Variants in KCNA4 observed in about 807,000 individuals in gnomAD.
The protein encoded by KCNA4 is cardiac potassium channel.
A neutral mutation model predicts 37.2 loss-of-function variants in KCNA4; 5 were observed. The ratio of observed to expected loss-of-function variants is 0.13; its 90% CI spans 0.07 to 0.28. The LOEUF (loss-of-function observed/expected upper bound fraction) is 0.28, where lower values mean the gene tolerates loss of function less well. KCNA4 is among the 10% of genes least tolerant of loss of function. The pLI is 1.00. For synonymous variants in KCNA4, 350 were observed against 311.8 expected, an observed-to-expected ratio of 1.12 and a Z score of -1.29; for missense variants, 634 against 817.4, an observed-to-expected ratio of 0.78 and a Z score of 2.74.
chr11:30,012,801 T>C lies in KCNA4; in HGVS notation c.-123A>G. ...CCCTTAAGCAGATTGCTTGGAAGAC[T>C]AAGGATATTTTCAGTCCAACTTTGC... On this transcript the variant is annotated 5_prime_UTR_variant, in exon 2 of 2. Coordinates refer to ENST00000328224, the MANE Select transcript of KCNA4 (RefSeq NM_002233.4). The C allele has an allele frequency of 7.2e-7, 1 of 1,391,624 alleles. No individual in the cohort carries two copies. The highest frequency in any genetic ancestry group is 2.4e-5 in the East Asian group (1 of 41,062). 86.2% of individuals were successfully genotyped at this position (1,391,624 alleles called of 1,614,324 possible).
At position 30,009,803 on chromosome 11, in the gene KCNA4, A is replaced by C. The variant is rs183772907; in HGVS notation, c.*914T>G. 355 of 152,296 alleles carry C rather than the reference A, an allele frequency of 2.3e-3. 2 individuals are homozygous for C. The highest frequency in any genetic ancestry group is 8.0e-3 in the African/African-American group (331 of 41,574). The allele number at this position is 152,296 out of a possible 1,614,324, so 9.4% of individuals were successfully genotyped here. A position where few individuals can be genotyped will look rare whatever the true frequency, so the allele number is the denominator to read the frequency against. On this transcript the variant is annotated 3_prime_UTR_variant, in exon 2 of 2. Transcript: ENST00000328224. ...TCAGTTATTTAGATTTTAAAAGAGG[A>C]GAGAATCCTGTGATGTTATCTGCAT...
chr11:30,011,644 G>C lies in KCNA4; in HGVS notation c.1035C>G (p.Gly345=). ...TATCATTCAACAACCCACCATGCCC[G>C]CCAGCACTCAGTGCCATGACGAGAT... is the stretch of plus-strand genomic sequence containing the variant. The part of the protein sequence containing the change: ...DRDLVMALSA[G]GHGGLLNDTS... Residue 345 remains glycine, a synonymous_variant, in exon 2 of 2, where the codon GGC becomes GGG. Transcript: ENST00000328224. The surrounding 1 kb of genome is among the most constrained non-coding windows in gnomAD (Gnocchi z 5.6). 6.2e-7 allele frequency: 1 copy of C among 1,613,758 alleles called. No homozygotes were observed. Among genetic ancestry groups the C allele is most frequent in the African/African-American group, 1.3e-5 (1 of 74,856 alleles).
Position 30,010,804 on chromosome 11 carries a change from C to G in KCNA4, c.1875G>C (p.Lys625Asn), listed in dbSNP as rs200767735. The change falls in exon 2 of 2, where the codon AAG (lysine) becomes AAC (asparagine). Residue 625 changes from lysine to asparagine, a missense_variant. This residue lies in a region of KCNA4 where 91 missense variants were observed against 95.8 expected (regional missense o/e 0.95). Coordinates refer to ENST00000328224, the MANE Select transcript of KCNA4 (RefSeq NM_002233.4). ...EEGVKESLCA[K>N]EEKCQGKGDD... ...CCCCCTTTCCCTGACACTTCTCCTC[C>G]TTTGCACACAGAGATTCCTTAACTC... The G allele has an allele frequency of 9.9e-6, 16 of 1,614,180 alleles. No homozygotes were observed. Among genetic ancestry groups the G allele is most frequent in the Non-Finnish European group, 1.4e-5 (16 of 1,180,026 alleles).
In KCNA4 at chr11:30,011,887, C is replaced by A; in HGVS notation, c.792G>T (p.Glu264Asp). 6.2e-7 allele frequency: 1 copy of A among 1,614,080 alleles called. No individual in the cohort carries two copies. The highest frequency in any genetic ancestry group is 8.5e-7 in the Non-Finnish European group (1 of 1,180,008). The change falls in exon 2 of 2, where the codon GAG becomes GAT. Residue 264 changes from glutamate (E) to aspartate (D), a missense_variant. Around this residue, in one of 8 missense-constraint regions of KCNA4, gnomAD observed 252 missense variants for 344.2 expected, o/e 0.73. Coordinates refer to ENST00000328224, the MANE Select transcript of KCNA4 (RefSeq NM_002233.4). This position sits in a 1 kb window ranked among gnomAD's most constrained non-coding sequence, Gnocchi z 5.6. ...EEVKFYQLGE[E>D]ALLKFREDEG... ...CGTCCTCCCGAAACTTCAACAGGGC[C>A]TCCTCCCCCAACTGATAGAACTTCA...
intron 1 of KCNA4, among the ~76,000 whole-genome samples, chr11:30,015,773 A>G (rs1208259492): frequency 6.6e-6 from 1 of 152,158 alleles, no homozygotes; most frequent in East Asian, 1.9e-4. Flanking sequence ...TATTCAAGCC[A>G]ATTCCCAGGA....
rs1472111782 is a variant in KCNA4, at chr11:30,012,799, A to C, written c.-121T>G. 6 of 1,402,814 alleles carry C rather than the reference A, an allele frequency of 4.3e-6. No individual in the cohort carries two copies. In the South Asian group the frequency reaches 9.8e-5, roughly 23 times the overall value. 86.9% of individuals were successfully genotyped at this position (1,402,814 alleles called of 1,614,324 possible). A position where few individuals can be genotyped will look rare whatever the true frequency, so the allele number is the denominator to read the frequency against. On this transcript the variant is annotated 5_prime_UTR_variant, in exon 2 of 2. Coordinates refer to ENST00000328224, the MANE Select transcript of KCNA4 (RefSeq NM_002233.4). ...AACCCTTAAGCAGATTGCTTGGAAG[A>C]CTAAGGATATTTTCAGTCCAACTTT...
In KCNA4 at chr11:30,016,892, G is replaced by A; in HGVS notation, c.-1103C>T. On this transcript the variant is annotated 5_prime_UTR_variant, in exon 1 of 2. Coordinates refer to ENST00000328224, the MANE Select transcript of KCNA4 (RefSeq NM_002233.4). ...GGGATTGCCTGGGAAAGGAAGTCAA[G>A]GTTCCCCCGAAAAGAAACAAAATCC... The A allele has an allele frequency of 2.5e-6, 1 of 398,724 alleles. No homozygotes were observed. The highest frequency in any genetic ancestry group is 4.4e-6 in the Non-Finnish European group (1 of 226,188). The allele number at this position is 398,724 out of a possible 1,614,324, so 24.7% of individuals were successfully genotyped here.
chr11:30,012,358 G>A lies in KCNA4; in HGVS notation c.321C>T (p.Asp107=). Residue 107 remains aspartate, a synonymous_variant, in exon 2 of 2, where the codon GAC becomes GAT. Coordinates refer to ENST00000328224, the MANE Select transcript of KCNA4 (RefSeq NM_002233.4). ...YRQSSFPHCS[D]LMPSGSEEKI... ...TCTCCTCAGAGCCACTGGGCATCAG[G>A]TCAGAGCAATGAGGGAAGCTGCTCT... is the stretch of plus-strand genomic sequence containing the variant. 6.2e-7 allele frequency: 1 copy of A among 1,614,046 alleles called. No homozygotes were observed. The highest frequency in any genetic ancestry group is 2.2e-5 in the East Asian group (1 of 44,868).
chr11:30,014,738 G>A (rs926019537), intron 1 of KCNA4, among the ~76,000 whole-genome samples: 1 of 152,042 alleles, frequency 6.6e-6, no homozygotes, highest in African/African-American at 2.4e-5. Flanking sequence ...GCCAGGCCCT[G>A]TAAAAGCCCC....
At position 30,010,926 on chromosome 11, in the gene KCNA4, T is replaced by C. The variant is rs1351245157; in HGVS notation, c.1753A>G (p.Ser585Gly). The C allele has an allele frequency of 4.3e-6, 7 of 1,614,236 alleles. 1 individual carries two copies. The Admixed American group carries it at 1.2e-4, about 27-fold the overall frequency. ...EQTQLTQNAV[S>G]CPYLPSNLLK... Reference sequence around the variant, plus strand: ...AAATTAGAGGGGAGGTATGGACAACTGACTGCATTCTGCGTTAGCTGTGTC... The same window carrying C: ...AAATTAGAGGGGAGGTATGGACAACCGACTGCATTCTGCGTTAGCTGTGTC... Residue 585 changes from serine to glycine, a missense_variant, in exon 2 of 2, where the codon AGT (serine) becomes GGT (glycine). Transcript: ENST00000328224.
chr11:30,010,894 C>A lies in KCNA4; in HGVS notation c.1785G>T (p.Lys595Asn), dbSNP rs1036448697. 23 of 1,614,092 alleles carry A rather than the reference C, an allele frequency of 1.4e-5. No homozygotes were observed. The highest frequency in any genetic ancestry group is 1.8e-5 in the Non-Finnish European group (21 of 1,180,042). The change falls in exon 2 of 2, where the codon AAG becomes AAT. Residue 595 changes from lysine to asparagine, a missense_variant. Coordinates refer to ENST00000328224, the MANE Select transcript of KCNA4 (RefSeq NM_002233.4). The part of the protein sequence containing the change: ...SCPYLPSNLL[K>N]KFRSSTSSSL... ...AAGAAGAAGTAGAGCTCCGAAATTT[C>A]TTGAGCAAATTAGAGGGGAGGTATG...
rs1344782488 is a variant in KCNA4, at chr11:30,012,085, T to C, written c.594A>G (p.Pro198=). 1.2e-6 allele frequency: 2 copies of C among 1,614,154 alleles called. No homozygotes were observed. The highest frequency in any genetic ancestry group is 1.7e-6 in the Non-Finnish European group (2 of 1,180,014). ...ETQMKTLAQF[P]ETLLGDPEKR... The stretch of plus-strand genomic sequence containing the variant: ...TTTCAGGGTCTCCCAACAAAGTCTC[T>C]GGAAACTGGGCCAGAGTTTTCATTT... Residue 198 remains proline (P), a synonymous_variant, in exon 2 of 2, where the codon CCA becomes CCG. Transcript: ENST00000328224.
In KCNA4 at chr11:30,012,349, G is replaced by A. The variant is rs761429353; in HGVS notation, c.330C>T (p.Pro110=). Residue 110 remains proline (P), a synonymous_variant, in exon 2 of 2, where the codon CCC becomes CCT. Transcript: ENST00000328224. ...SSFPHCSDLM[P]SGSEEKILRE... is the part of the protein sequence containing the mutation. ...TCAGGATCTTCTCCTCAGAGCCACTGGGCATCAGGTCAGAGCAATGAGGGA... is the reference window on the plus strand; with the variant it reads ...TCAGGATCTTCTCCTCAGAGCCACTAGGCATCAGGTCAGAGCAATGAGGGA... 4 of 1,613,926 alleles carry A rather than the reference G, an allele frequency of 2.5e-6. No individual in the cohort carries two copies. The highest frequency in any genetic ancestry group is 3.4e-6 in the Non-Finnish European group (4 of 1,180,022).
In KCNA4 at chr11:30,010,639, C is replaced by A. The variant is rs186226714; in HGVS notation, c.*78G>T. The A allele has an allele frequency of 1.1e-4, 168 of 1,524,058 alleles. 1 individual carries two copies. In the East Asian group the frequency reaches 3.1e-3, roughly 28 times the overall value. The allele number at this position is 1,524,058 out of a possible 1,614,324, so 94.4% of individuals were successfully genotyped here. A position where few individuals can be genotyped will look rare whatever the true frequency, so the allele number is the denominator to read the frequency against. ...TATGCATTGGATCATTTGCATATTT[C>A]ATTTTCATAACTGCACTCTCTATGC... On this transcript the variant is annotated 3_prime_UTR_variant, in exon 2 of 2. Coordinates refer to ENST00000328224, the MANE Select transcript of KCNA4 (RefSeq NM_002233.4).
At chr11:30,016,161 C>G (rs1470750209) in intron 1 of KCNA4, among the ~76,000 whole-genome samples, 1 of 152,048 alleles carries the variant, frequency 6.6e-6, no homozygotes, top group African/African-American at 2.4e-5. Context: ...TTGGAAGAGG[C>G]AGCAATTCAG....
rs894376667 is a variant in KCNA4 at position 30,011,511 on chromosome 11, A to T, written c.1168T>A (p.Cys390Ser). 4 of 1,614,062 alleles carry T rather than the reference A, an allele frequency of 2.5e-6. No individual in the cohort carries two copies. The highest frequency in any genetic ancestry group is 1.7e-6 in the Non-Finnish European group (2 of 1,180,044). ...VWFSFEFVVR[C>S]FACPSQALFF... The stretch of plus-strand genomic sequence containing the variant: ...AGTGCTTGGCTGGGACAAGCAAAGC[A>T]GCGAACCACAAACTCAAAGGAAAAC... The change falls in exon 2 of 2, where the codon TGC becomes AGC. Residue 390 changes from cysteine to serine, a missense_variant. Cys to Ser is a moderately radical substitution (Grantham distance 112, BLOSUM62 -1). Around this residue, in one of 8 missense-constraint regions of KCNA4, gnomAD observed 252 missense variants for 344.2 expected, o/e 0.73. Transcript: ENST00000328224. The surrounding 1 kb of genome is among the most constrained non-coding windows in gnomAD (Gnocchi z 5.6).
rs939687943 is a variant in KCNA4 at position 30,012,856 on chromosome 11, T to C, written c.-178A>G. 4.8e-6 allele frequency: 4 copies of C among 834,216 alleles called. No homozygotes were observed. Among genetic ancestry groups the C allele is most frequent in the Non-Finnish European group, 7.0e-6 (4 of 568,544 alleles). 51.7% of individuals were successfully genotyped at this position (834,216 alleles called of 1,614,324 possible). ...TCTGTTTTTAAATCAGCACGCCCCATGCTCTCTCTTCTCAGGGATTCAACA... is the reference window on the plus strand; with the variant it reads ...TCTGTTTTTAAATCAGCACGCCCCACGCTCTCTCTTCTCAGGGATTCAACA... On this transcript the variant is annotated 5_prime_UTR_variant, in exon 2 of 2. An upstream start codon of the reference 5' UTR is lost. Transcript: ENST00000328224.
chr11:30,016,208 G>A (rs1850348950), intron 1 of KCNA4: 2 of 152,050 alleles, frequency 1.3e-5, no homozygotes, highest in Non-Finnish European at 2.9e-5. Flanking sequence ...AAGGGAACCG[G>A]TGCGGCTGGG....
rs1270318199 is a variant in KCNA4 at position 30,012,474 on chromosome 11, C to T, written c.205G>A (p.Gly69Arg). ...GGSHHHHQSR[G>R]ACTSHDPQSS... ...TGAGGGTCATGGGAGGTACAGGCCC[C>T]GCGTGACTGGTGGTGGTGGTGGGAG... The change falls in exon 2 of 2, where the codon GGG becomes AGG. Residue 69 changes from glycine to arginine, a missense_variant. Coordinates refer to ENST00000328224, the MANE Select transcript of KCNA4 (RefSeq NM_002233.4). 3.1e-6 allele frequency: 5 copies of T among 1,611,794 alleles called. No individual in the cohort carries two copies. Among genetic ancestry groups the T allele is most frequent in the Non-Finnish European group, 2.5e-6 (3 of 1,179,948 alleles).
Sources: gnomAD v4.1 joint callset for allele counts (sites outside exome capture counted in the v4.1 genomes callset) on GRCh38, gnomAD v4.1.1 for gene constraint, gnomAD v4.1.1 regional missense constraint, Gnocchi (gnomAD v3.1) non-coding constraint, MANE v1.5 for transcripts, NCBI Gene and HGNC (gene_info 2026-07-23, HGNC 2026-07-21) for gene names.